Variants in ENTREP2 observed in about 807,000 individuals in gnomAD.
ENTREP2 encodes endosomal transmembrane epsin interactor 2.
the ENTREP2 span, among the ~76,000 whole-genome samples, chr15:29,608,795 CTGACCTCGTGAT>C: frequency 6.6e-6 from 1 of 151,950 alleles, no homozygotes; most frequent in African/African-American, 2.4e-5. Flanking sequence ...TCTCGATCTC[CTGACCTCGTGAT>C]GCGCCCGCCT....
the ENTREP2 span, chr15:29,269,246 G>C: frequency 6.2e-7 from 1 of 1,614,114 alleles, no homozygotes; most frequent in South Asian, 1.1e-5. Flanking sequence ...GTGTTGATGA[G>C]GATGTAAGTG....
the ENTREP2 span, among the ~76,000 whole-genome samples, chr15:29,535,721 T>G: frequency 1.3e-5 from 2 of 151,986 alleles, no homozygotes; most frequent in African/African-American, 4.8e-5. Context: ...TTAGCAACTT[T>G]ATGTCTGAAC....
At chr15:29,209,147 A>T in the ENTREP2 span, among the ~76,000 whole-genome samples, 2 of 152,166 alleles carry the variant, frequency 1.3e-5, no homozygotes, top group East Asian at 3.9e-4. Context: ...TTCAGTACTT[A>T]CAATGTGTGC....
At chr15:29,195,333 T>C in the ENTREP2 span, 2 of 985,234 alleles carry the variant, frequency 2.0e-6, no homozygotes, top group Admixed American at 1.2e-4. Flanking sequence ...AGACCACCCA[T>C]GGAGGACTAA....
the ENTREP2 span, among the ~76,000 whole-genome samples, chr15:29,645,974 T>TTCC: frequency 6.6e-6 from 1 of 152,340 alleles, no homozygotes; most frequent in East Asian, 1.9e-4. Context: ...TGTGAGGTTT[T>TTCC]TCCTGACTGT....
chr15:29,124,434 C>T, the ENTREP2 span, among the ~76,000 whole-genome samples: 2 of 152,204 alleles, frequency 1.3e-5, no homozygotes, highest in Non-Finnish European at 2.9e-5. Flanking sequence ...AGGTGGGGCC[C>T]ATCTACCCCA....
At chr15:29,556,089 A>G in the ENTREP2 span, among the ~76,000 whole-genome samples, 4 of 152,302 alleles carry the variant, frequency 2.6e-5, no homozygotes, top group South Asian at 8.3e-4. Flanking sequence ...CCTCCTCTCT[A>G]CAAAAATTAA....
At chr15:29,450,413 A>G in the ENTREP2 span, among the ~76,000 whole-genome samples, 1 of 152,252 alleles carries the variant, frequency 6.6e-6, no homozygotes, top group South Asian at 2.1e-4. Flanking sequence ...GTATATGGTG[A>G]AGGGAACGGG....
chr15:29,525,335 G>C, the ENTREP2 span, among the ~76,000 whole-genome samples: 2 of 152,188 alleles, frequency 1.3e-5, no homozygotes, highest in Admixed American at 1.3e-4. Flanking sequence ...AACAACCAAT[G>C]TCCATCATGC....
chr15:29,577,313 G>GGTGTGTGTGTGTGT, the ENTREP2 span, among the ~76,000 whole-genome samples: 3,955 of 139,802 alleles, frequency 0.028, 85 homozygotes, highest in Non-Finnish European at 0.037. Flanking sequence ...GACTCAAAGA[G>GGTGTGTGTGTGTGT]GTGTGTGTGT....
At chr15:29,449,318 C>A in the ENTREP2 span, among the ~76,000 whole-genome samples, 5 of 152,000 alleles carry the variant, frequency 3.3e-5, no homozygotes, top group African/African-American at 7.3e-5. Flanking sequence ...CTCCATGAAA[C>A]GATGTGTTTG....
chr15:29,234,818 T>C, the ENTREP2 span: 3 of 1,446,426 alleles, frequency 2.1e-6, no homozygotes, highest in African/African-American at 1.4e-5. Context: ...CTGTTTATCA[T>C]TTGTGCAAGG....
chr15:29,276,901 T>C, the ENTREP2 span, among the ~76,000 whole-genome samples: 2 of 152,196 alleles, frequency 1.3e-5, no homozygotes, highest in African/African-American at 4.8e-5. Flanking sequence ...GAGTTTTGAA[T>C]ATAATGAGAG....
the ENTREP2 span, among the ~76,000 whole-genome samples, chr15:29,138,092 T>C: frequency 1.3e-5 from 2 of 152,134 alleles, no homozygotes; most frequent in Admixed American, 1.3e-4. Flanking sequence ...TATTTCATAA[T>C]GGGCCCCTTT....
the ENTREP2 span, among the ~76,000 whole-genome samples, chr15:29,672,735 G>T: frequency 6.6e-6 from 1 of 152,128 alleles, no homozygotes; most frequent in South Asian, 2.1e-4. Flanking sequence ...GAAAACTTGG[G>T]GATCTGGGTT....
At chr15:29,309,331 G>A in the ENTREP2 span, among the ~76,000 whole-genome samples, 18,070 of 152,080 alleles carry the variant, frequency 0.12, 1,436 homozygotes, top group African/African-American at 0.22. Context: ...TACCACTGTC[G>A]CGGTAATTAG....
the ENTREP2 span, chr15:29,136,563 T>G: frequency 5.9e-6 from 9 of 1,517,000 alleles, no homozygotes; most frequent in Non-Finnish European, 1.8e-6. Context: ...TGCTGACAGC[T>G]CTCAAAGCCG....
the ENTREP2 span, among the ~76,000 whole-genome samples, chr15:29,505,710 A>G: frequency 0.033 from 4,980 of 152,320 alleles, 261 homozygotes; most frequent in African/African-American, 0.11. The surrounding 1 kb of genome is among the most constrained non-coding windows in gnomAD (Gnocchi z 4.3). Flanking sequence ...AAGCAATAGC[A>G]TCGACATCAA....
At chr15:29,196,507 C>T in the ENTREP2 span, 7 of 1,551,662 alleles carry the variant, frequency 4.5e-6, no homozygotes, top group East Asian at 2.4e-5. Context: ...TTGCTGCAGC[C>T]GGACGACTGG....
Sources: gnomAD v4.1 joint callset for allele counts (sites outside exome capture counted in the v4.1 genomes callset) on GRCh38, gnomAD v4.1.1 for gene constraint, Gnocchi (gnomAD v3.1) non-coding constraint, MANE v1.5 for transcripts, NCBI Gene and HGNC (gene_info 2026-07-23, HGNC 2026-07-21) for gene names.